IKZF3: variants seen among roughly 807,000 people sequenced by gnomAD.
IKZF3 encodes zinc finger protein Aiolos.
IKZF3 carries 10 observed loss-of-function variants against 49.0 expected under a neutral mutation model. That is an observed-to-expected ratio of 0.20 (90% confidence interval 0.13 to 0.35). The LOEUF is 0.35. Ranked by LOEUF, IKZF3 falls within the 10% of genes least tolerant of loss-of-function variation. IKZF3 has a pLI of 1.00. For missense variants in IKZF3, 498 were observed against 664.8 expected (o/e 0.75, Z 2.76); for synonymous variants, 209 against 228.2 (o/e 0.92, Z 0.76).
intron 3 of IKZF3, among the ~76,000 whole-genome samples, chr17:39,799,906 T>C (rs1317655025): frequency 6.6e-6 from 1 of 152,228 alleles, no homozygotes; most frequent in East Asian, 1.9e-4. Flanking sequence ...ATGATATAAT[T>C]ACATTGCTAC....
chr17:39,771,575 T>C (rs1190043751), intron 7 of IKZF3, among the ~76,000 whole-genome samples: 1 of 152,164 alleles, frequency 6.6e-6, no homozygotes, highest in Non-Finnish European at 1.5e-5. Flanking sequence ...CAAAGATTCA[T>C]CTATTCTTTA....
intron 6 of IKZF3, 79 bp from the exon 7 acceptor site, chr17:39,777,846 G>C: frequency 6.4e-7 from 1 of 1,551,806 alleles, no homozygotes. Flanking sequence ...ACTGGAAGGA[G>C]AAGTGTCCGA....
intron 3 of IKZF3, among the ~76,000 whole-genome samples, chr17:39,818,042 T>G (rs571916877): frequency 1.3e-5 from 2 of 152,318 alleles, no homozygotes; most frequent in Non-Finnish European, 2.9e-5. Flanking sequence ...TATGGCCTAC[T>G]ACAAACCTCG....
chr17:39,807,750 A>G (rs2061466522), intron 3 of IKZF3, among the ~76,000 whole-genome samples: 1 of 151,984 alleles, frequency 6.6e-6, no homozygotes, highest in South Asian at 2.1e-4. Context: ...ATGAACTTCA[A>G]AAACATTATG....
chr17:39,801,532 T>G (rs1339647595), intron 3 of IKZF3, among the ~76,000 whole-genome samples: 1 of 152,354 alleles, frequency 6.6e-6, no homozygotes, highest in South Asian at 2.1e-4. Flanking sequence ...CAAAGTTTGT[T>G]ACTGTCGCCC....
chr17:39,853,568 G>A (rs1033780671), intron 1 of IKZF3, among the ~76,000 whole-genome samples: 22 of 152,156 alleles, frequency 1.4e-4, no homozygotes, highest in African/African-American at 5.1e-4. Context: ...AGGAGCGGTG[G>A]TTCACACCTG....
intron 3 of IKZF3, among the ~76,000 whole-genome samples, chr17:39,800,901 G>T (rs1390537903): frequency 6.6e-6 from 1 of 152,156 alleles, no homozygotes; most frequent in African/African-American, 2.4e-5. Flanking sequence ...TGTTTTTACA[G>T]GCACATAAAA....
intron 1 of IKZF3, among the ~76,000 whole-genome samples, chr17:39,842,361 T>G (rs1415057018): frequency 6.6e-6 from 1 of 152,184 alleles, no homozygotes; most frequent in Non-Finnish European, 1.5e-5. Flanking sequence ...AAACCCCATC[T>G]CTACCAGAAA....
chr17:39,780,586 G>A (rs1449388060), intron 6 of IKZF3, among the ~76,000 whole-genome samples: 3 of 151,908 alleles, frequency 2.0e-5, no homozygotes, highest in African/African-American at 4.8e-5. Context: ...TCCAACTCTT[G>A]GCCTCAGGCA....
chr17:39,841,822 A>G (rs569650899), intron 1 of IKZF3, among the ~76,000 whole-genome samples: 1 of 152,112 alleles, frequency 6.6e-6, no homozygotes, highest in South Asian at 2.1e-4. Flanking sequence ...AGGCAGGAGG[A>G]TTGCTTGATA....
chr17:39,816,531 C>G (rs1027560603), intron 3 of IKZF3, among the ~76,000 whole-genome samples: 1 of 152,160 alleles, frequency 6.6e-6, no homozygotes, highest in Admixed American at 6.5e-5. Context: ...CTTGCAATGG[C>G]AGAGTTGAGA....
At chr17:39,793,401 T>C (rs1351232970) in intron 3 of IKZF3, among the ~76,000 whole-genome samples, 3 of 152,158 alleles carry the variant, frequency 2.0e-5, no homozygotes, top group African/African-American at 7.2e-5. Flanking sequence ...AGATTAAGAG[T>C]TGACTAGTTA....
intron 1 of IKZF3, among the ~76,000 whole-genome samples, chr17:39,837,099 TA>T (rs1273219376): frequency 6.6e-6 from 1 of 151,378 alleles, no homozygotes; most frequent in African/African-American, 2.4e-5. Context: ...CTGGCTAATT[TA>T]AAAAAAATTC....
chr17:39,848,858 A>AC (rs996445692), intron 1 of IKZF3, among the ~76,000 whole-genome samples: 2 of 151,996 alleles, frequency 1.3e-5, no homozygotes, highest in African/African-American at 4.8e-5. Flanking sequence ...TTTTAAAAAA[A>AC]TGTTTGGAGA....
chr17:39,824,022 G>A (rs2061888166), intron 3 of IKZF3, among the ~76,000 whole-genome samples: 1 of 152,192 alleles, frequency 6.6e-6, no homozygotes, highest in Non-Finnish European at 1.5e-5. Context: ...TTGACAGCTT[G>A]TGTCGTGCAC....
At chr17:39,800,324 T>C (rs1563104) in intron 3 of IKZF3, among the ~76,000 whole-genome samples, 1,561 of 152,318 alleles carry the variant, frequency 0.01, 17 homozygotes, top group Non-Finnish European at 0.017. Flanking sequence ...GTGGTGGGTG[T>C]ATGGATGTTT....
chr17:39,794,646 G>A (rs2061118147), intron 3 of IKZF3, among the ~76,000 whole-genome samples: 1 of 152,208 alleles, frequency 6.6e-6, no homozygotes, highest in Admixed American at 6.5e-5. Context: ...ATGTAGGGCT[G>A]TAGGATAAGT....
chr17:39,864,105 G>C lies in IKZF3; in HGVS notation c.7+15C>G. ...CTCAAAGACCCCGGAGAAAAGAAGC[G>C]GGCTGGAGGCTCACCTTCCATGTCG... On this transcript the variant is annotated intron_variant, in intron 1 of 7. Coordinates refer to ENST00000346872, the MANE Select transcript of IKZF3 (RefSeq NM_012481.5). 1.9e-6 allele frequency: 3 copies of C among 1,612,956 alleles called. No homozygotes were observed. The highest frequency in any genetic ancestry group is 2.5e-6 in the Non-Finnish European group (3 of 1,179,592).
chr17:39,826,040 A>T (rs1456539792), intron 3 of IKZF3, among the ~76,000 whole-genome samples: 2 of 152,050 alleles, frequency 1.3e-5, no homozygotes, highest in African/African-American at 4.8e-5. Context: ...TGATTTGTGG[A>T]CGGTAGTTTT....
Sources: gnomAD v4.1 joint callset for allele counts (sites outside exome capture counted in the v4.1 genomes callset) on GRCh38, gnomAD v4.1.1 for gene constraint, MANE v1.5 for transcripts, NCBI Gene and HGNC (gene_info 2026-07-23, HGNC 2026-07-21) for gene names.